CTNNB1: variants seen among roughly 807,000 people sequenced by gnomAD.
CTNNB1 encodes the protein catenin beta 1.
Under a neutral mutation model 82.5 loss-of-function variants are expected in CTNNB1, and 6 were observed. The ratio of observed to expected loss-of-function variants is 0.07; its 90% CI spans 0.04 to 0.14. The LOEUF is 0.14. Ranked by LOEUF, CTNNB1 falls within the 10% of genes least tolerant of loss-of-function variation. The pLI, the probability that CTNNB1 is intolerant of heterozygous loss-of-function variation, is 1.00. For synonymous variants in CTNNB1, 312 were observed against 329.7 expected (o/e 0.95, Z 0.58); for missense variants, 529 against 980.4 (o/e 0.54, Z 6.15).
At chr3:41,238,693 G>T (rs1034322705) in intron 14 of CTNNB1, among the ~76,000 whole-genome samples, 3 of 152,132 alleles carry the variant, frequency 2.0e-5, no homozygotes, top group African/African-American at 7.2e-5. Context: ...TAGTACTTTT[G>T]TGGGTGTCAC....
At chr3:41,237,570 A>G (rs1320331251) in intron 13 of CTNNB1, 1 of 158,770 alleles carries the variant, frequency 6.3e-6, no homozygotes, top group Non-Finnish European at 1.4e-5. Context: ...CCCTTCCACA[A>G]ACCTGTTTTC....
intron 1 of CTNNB1, among the ~76,000 whole-genome samples, chr3:41,216,037 A>G (rs1482119011): frequency 6.6e-6 from 1 of 152,166 alleles, no homozygotes; most frequent in Non-Finnish European, 1.5e-5. Flanking sequence ...GGGTGGAAAT[A>G]TGATTAGATT....
chr3:41,233,191 C>A (rs1240067977), intron 7 of CTNNB1, 150 bp from the exon 8 acceptor site: 1 of 734,976 alleles, frequency 1.4e-6, no homozygotes, highest in South Asian at 1.6e-5. Flanking sequence ...GAGCAACATT[C>A]TAGAAAATGA....
chr3:41,223,084 C>T (rs1055364178), intron 1 of CTNNB1, among the ~76,000 whole-genome samples: 1 of 151,630 alleles, frequency 6.6e-6, no homozygotes, highest in African/African-American at 2.4e-5. Context: ...CAAAAAAAAA[C>T]AAAACATAGT....
chr3:41,235,997 T>C (rs1054218386), intron 11 of CTNNB1, 154 bp downstream of exon 11: 16 of 923,978 alleles, frequency 1.7e-5, no homozygotes, highest in African/African-American at 1.3e-4. Flanking sequence ...AAGAGAAACA[T>C]TGAGACTTGA....
intron 7 of CTNNB1, among the ~76,000 whole-genome samples, chr3:41,229,617 G>A (rs2078257213): frequency 1.3e-5 from 2 of 151,916 alleles, no homozygotes; most frequent in South Asian, 4.1e-4. Flanking sequence ...GAGATTATGG[G>A]GTTTTCTAGG....
At chr3:41,237,195 A>G (rs1399176915) in intron 13 of CTNNB1, 1 of 188,234 alleles carries the variant, frequency 5.3e-6, no homozygotes, top group African/African-American at 2.4e-5. Context: ...TATAGAGATC[A>G]TTGATGGTAC....
rs2078152906 is a variant in CTNNB1, at chr3:41,225,429, T to C, written c.591T>C (p.Ala197=). The stretch of plus-strand genomic sequence containing the variant: ...TGCGTTCTCCTCAGATGGTGTCTGC[T>C]ATTGTACGTACCATGCAGAATACAA... ...AIMRSPQMVS[A]IVRTMQNTND... is the part of the protein sequence containing the mutation. Residue 197 remains alanine (A), a synonymous_variant, in exon 5 of 15, where the codon GCT becomes GCC. Coordinates refer to ENST00000349496, the MANE Select transcript of CTNNB1 (RefSeq NM_001904.4). The surrounding 1 kb of genome is among the most constrained non-coding windows in gnomAD (Gnocchi z 5.3). 6.2e-7 allele frequency: 1 copy of C among 1,613,926 alleles called. No homozygotes were observed. The highest frequency in any genetic ancestry group is 8.5e-7 in the Non-Finnish European group (1 of 1,179,946).
chr3:41,233,128 A>G (rs2078349603), intron 7 of CTNNB1: 3 of 616,268 alleles, frequency 4.9e-6, no homozygotes, highest in Admixed American at 5.5e-5. Flanking sequence ...AAGGAACAGT[A>G]GCTATTTGAG....
Position 41,240,244 on chromosome 3 carries a change from C to T in CTNNB1, c.*902C>T, listed in dbSNP as rs2078550701. The T allele has an allele frequency of 1.5e-5, 3 of 194,632 alleles. No homozygotes were observed. The highest frequency in any genetic ancestry group is 3.2e-5 in the Non-Finnish European group (3 of 93,280). 12.1% of individuals were successfully genotyped at this position (194,632 alleles called of 1,614,324 possible). On this transcript the variant is annotated 3_prime_UTR_variant, in exon 15 of 15. Transcript: ENST00000349496. ...ATATGCTTAAAATAAGCAGGTGGAT[C>T]TATTTCATGTTTTTGATCAAAAACT...
At chr3:41,213,856 A>C (rs925882934) in intron 1 of CTNNB1, among the ~76,000 whole-genome samples, 1 of 152,318 alleles carries the variant, frequency 6.6e-6, no homozygotes, top group African/African-American at 2.4e-5. Flanking sequence ...TAATAATAGA[A>C]GCTTCCTAGC....
intron 7 of CTNNB1, 88 bp from the exon 8 acceptor site, chr3:41,233,253 G>A: frequency 9.4e-7 from 1 of 1,062,502 alleles, no homozygotes; most frequent in East Asian, 2.5e-5. Context: ...AATACAGAAG[G>A]ACACCTCCTA....
Position 41,239,398 on chromosome 3 carries a change from C to A in CTNNB1, c.*56C>A, listed in dbSNP as rs1415266101. 2 of 1,483,234 alleles carry A rather than the reference C, an allele frequency of 1.3e-6. No individual in the cohort carries two copies. The highest frequency in any genetic ancestry group is 2.4e-5 in the East Asian group (1 of 42,100). The allele number at this position is 1,483,234 out of a possible 1,614,324, so 91.9% of individuals were successfully genotyped here. Reference sequence around the variant, plus strand: ...CCAGTTTGGGTAAAATACTTTTACTCTGCCTACAGAACTTCAGAAAGACTT... The same window carrying A: ...CCAGTTTGGGTAAAATACTTTTACTATGCCTACAGAACTTCAGAAAGACTT... On this transcript the variant is annotated 3_prime_UTR_variant, in exon 15 of 15. Transcript: ENST00000349496.
chr3:41,226,350 A>G (rs1401092097), intron 6 of CTNNB1, among the ~76,000 whole-genome samples: 6 of 152,214 alleles, frequency 3.9e-5, no homozygotes, highest in African/African-American at 1.4e-4. Context: ...CCTAATATTT[A>G]ATTTGTGTAG....
At position 41,237,562 on chromosome 3, in the gene CTNNB1, C is replaced by G. The variant is rs552191622; in HGVS notation, c.2077-454C>G. 19 of 157,986 alleles carry G rather than the reference C, an allele frequency of 1.2e-4. No homozygotes were observed. The South Asian group carries it at 3.4e-3, about 29-fold the overall frequency. The allele number at this position is 157,986 out of a possible 1,614,324, so 9.8% of individuals were successfully genotyped here. On this transcript the variant is annotated intron_variant, in intron 13 of 14. Coordinates refer to ENST00000349496, the MANE Select transcript of CTNNB1 (RefSeq NM_001904.4). ...GCCCTTAACTTTCTCCACCTACCCC[C>G]TTCCACAAACCTGTTTTCACTGTCT...
chr3:41,234,293 T>C lies in CTNNB1; in HGVS notation c.1679T>C (p.Phe560Ser). 1 of 1,614,156 alleles carries C rather than the reference T, an allele frequency of 6.2e-7. No individual in the cohort carries two copies. The highest frequency in any genetic ancestry group is 1.3e-5 in the African/African-American group (1 of 75,040). The change falls in exon 10 of 15, where the codon TTT becomes TCT. Residue 560 changes from phenylalanine (F) to serine (S), a missense_variant. Phe to Ser is a radical substitution (Grantham distance 155). Transcript: ENST00000349496. ...RTSMGGTQQQ[F>S]VEGVRMEEIV... Reference sequence around the variant, plus strand: ...TCCATGGGTGGGACACAGCAGCAATTTGTGGTAGGTAAATTCTTACAGTGA... The same window carrying C: ...TCCATGGGTGGGACACAGCAGCAATCTGTGGTAGGTAAATTCTTACAGTGA...
At chr3:41,200,565 T>A (rs1306395691) in intron 1 of CTNNB1, among the ~76,000 whole-genome samples, 1 of 152,208 alleles carries the variant, frequency 6.6e-6, no homozygotes. Context: ...TAGAAATAAT[T>A]TAAATTTATT....
chr3:41,206,254 A>C (rs1422109770), intron 1 of CTNNB1, among the ~76,000 whole-genome samples: 2 of 152,198 alleles, frequency 1.3e-5, no homozygotes, highest in African/African-American at 4.8e-5. Flanking sequence ...AGTTCAAGTT[A>C]ATCAGTCTAC....
rs2125628170 is a variant in CTNNB1, at chr3:41,227,316, G to C, written c.1045G>C (p.Val349Leu). ...AAGCAGAGTGCTGAAGGTGCTATCT[G>C]TCTGCTCTAGTAATAAGCCGGCTAT... is the stretch of plus-strand genomic sequence containing the variant. The part of the protein sequence containing the change: ...TTSRVLKVLS[V>L]CSSNKPAIVE... Residue 349 changes from valine to leucine, a missense_variant, in exon 7 of 15, where the codon GTC becomes CTC. Transcript: ENST00000349496. 6.2e-7 allele frequency: 1 copy of C among 1,613,918 alleles called. No homozygotes were observed. The highest frequency in any genetic ancestry group is 8.5e-7 in the Non-Finnish European group (1 of 1,179,858).
Sources: allele counts gnomAD v4.1 joint callset (sites outside exome capture counted in the v4.1 genomes callset), GRCh38; gene constraint gnomAD v4.1.1; non-coding constraint Gnocchi (gnomAD v3.1); transcripts MANE v1.5; gene names NCBI Gene and HGNC (gene_info 2026-07-23, HGNC 2026-07-21).